The following PSD3 variants were observed in gnomAD, a reference collection of about 807,000 sequenced individuals.
The protein encoded by PSD3 is PH and SEC7 domain-containing protein 3.
PSD3 carries 49 observed loss-of-function variants against 105.5 expected under a neutral mutation model. That is an observed-to-expected ratio of 0.46 (90% CI 0.37 to 0.59). The LOEUF (loss-of-function observed/expected upper bound fraction) is 0.59. PSD3 is among the 20% of genes least tolerant of loss of function. The pLI is 0.00. For missense variants in PSD3, 1,561 were observed against 1,263.8 expected, an observed-to-expected ratio of 1.24 and a Z score of -3.57; for synonymous variants, 557 against 457.8, an observed-to-expected ratio of 1.22 and a Z score of -2.77.
Position 18,575,220 on chromosome 8 carries a change from G to A in PSD3, c.2547C>T (p.His849=), listed in dbSNP as rs138686002. 1.5e-4 allele frequency: 241 copies of A among 1,613,838 alleles called. No homozygotes were observed. Among genetic ancestry groups the A allele is most frequent in the Non-Finnish European group, 1.9e-4 (225 of 1,179,840 alleles). The change falls in exon 13 of 16, where the codon CAC becomes CAT. Residue 849 remains histidine, a synonymous_variant. Transcript: ENST00000327040. Reference sequence around the variant, plus strand: ...AGTCCGTGGCCTTGGATGCCAATGCGTGGTGCACACTCACAGCGTTTTTCA... The same window carrying A: ...AGTCCGTGGCCTTGGATGCCAATGCATGGTGCACACTCACAGCGTTTTTCA... ...EDLKNAVSVH[H]ALASKATDYE... is the part of the protein sequence containing the mutation.
intron 1 of PSD3, among the ~76,000 whole-genome samples, chr8:19,026,887 A>G (rs1320453235): frequency 1.3e-5 from 2 of 151,384 alleles, no homozygotes; most frequent in Non-Finnish European, 2.9e-5. Context: ...ACCCAAAAAT[A>G]TATATATATA....
intron 4 of PSD3, among the ~76,000 whole-genome samples, chr8:18,865,532 C>A (rs528388221): frequency 9.2e-5 from 14 of 152,044 alleles, no homozygotes; most frequent in African/African-American, 3.4e-4. Flanking sequence ...AATAAAGCTT[C>A]CTCCACCTGT....
At chr8:18,744,788 T>C (rs1355474015) in intron 9 of PSD3, among the ~76,000 whole-genome samples, 1 of 152,218 alleles carries the variant, frequency 6.6e-6, no homozygotes, top group Non-Finnish European at 1.5e-5. Flanking sequence ...AGTTTCCCCA[T>C]TACTGCCCTT....
chr8:18,901,353 C>G (rs2129460746), intron 2 of PSD3, among the ~76,000 whole-genome samples: 1 of 152,264 alleles, frequency 6.6e-6, no homozygotes. Context: ...CAGCATAGAG[C>G]TGGGTCATGT....
intron 9 of PSD3, among the ~76,000 whole-genome samples, chr8:18,678,415 T>A (rs1446451045): frequency 6.6e-6 from 1 of 152,254 alleles, no homozygotes; most frequent in Non-Finnish European, 1.5e-5. Flanking sequence ...CAACTTCTTT[T>A]AAAAAATTTA....
chr8:18,759,102 T>A (rs1034773173), intron 9 of PSD3, among the ~76,000 whole-genome samples: 6 of 138,258 alleles, frequency 4.3e-5, no homozygotes, highest in South Asian at 2.3e-4. Flanking sequence ...ACTCTCTCTC[T>A]CTCTCTCTCT....
In PSD3 at chr8:18,986,750, C is replaced by G. The variant is rs138245277; in HGVS notation, c.21+26813G>C. Among the ~76,000 whole-genome samples, 909 of 152,180 alleles carry G rather than the reference C, an allele frequency of 6.0e-3. 10 individuals are homozygous for G. Among genetic ancestry groups the G allele is most frequent in the African/African-American group, 0.021 (887 of 41,496 alleles). ...ACGGGCTAACGTAGCCATTTGCAAA[C>G]TGGGTACAAAAGAGAGTACTCCATT... is the stretch of plus-strand genomic sequence containing the variant. On this transcript the variant is annotated intron_variant, in intron 1 of 15. Transcript: ENST00000327040.
At chr8:18,892,893 G>A (rs973983404) in intron 2 of PSD3, among the ~76,000 whole-genome samples, 4 of 152,098 alleles carry the variant, frequency 2.6e-5, no homozygotes, top group Admixed American at 2.6e-4. Context: ...CCACAGTGCT[G>A]GGATTACAGA....
At position 18,872,628 on chromosome 8, in the gene PSD3, A is replaced by C. The variant is rs2129457723; in HGVS notation, c.236T>G (p.Phe79Cys). The part of the protein sequence containing the change: ...GGEGLRASLE[F>C]DGEALPCHPQ... ...GTGGCATGGCAGAGCCTCACCATCA[A>C]ATTCCAGAGAAGCCCTTAGGCCTTC... Residue 79 changes from phenylalanine (F) to cysteine (C), a missense_variant, in exon 3 of 16, where the codon TTT becomes TGT. Phe to Cys is a radical substitution (Grantham distance 205). Coordinates refer to ENST00000327040, the MANE Select transcript of PSD3 (RefSeq NM_015310.4). 2 of 1,613,976 alleles carry C rather than the reference A, an allele frequency of 1.2e-6. No individual in the cohort carries two copies. Among genetic ancestry groups the C allele is most frequent in the East Asian group, 2.2e-5 (1 of 44,872 alleles).
intron 1 of PSD3, among the ~76,000 whole-genome samples, chr8:18,966,756 T>C (rs1824280056): frequency 6.6e-6 from 1 of 152,256 alleles, no homozygotes; most frequent in Non-Finnish European, 1.5e-5. Context: ...CACATCTTCT[T>C]GGGGCTCAAT....
At chr8:18,958,136 T>C (rs1370311395) in intron 1 of PSD3, among the ~76,000 whole-genome samples, 1 of 152,106 alleles carries the variant, frequency 6.6e-6, no homozygotes, top group Non-Finnish European at 1.5e-5. Context: ...TACAAAAATA[T>C]AATAAAATAT....
chr8:19,036,833 C>T lies in PSD3; in HGVS notation c.324+47373G>A, dbSNP rs573555330. Among the ~76,000 whole-genome samples the T allele has an allele frequency of 8.5e-5, 13 of 152,304 alleles. No homozygotes were observed. The South Asian group carries it at 2.7e-3, about 32-fold the overall frequency. ...TCAGACCAGGGCTCTTCTTTAGACA[C>T]TAGTTCACCTCAATACTCATCTAGG... On this transcript the variant is annotated intron_variant, in intron 1 of 1. Transcript: ENST00000521475.
At chr8:19,072,846 A>G (rs185102022) in intron 1 of PSD3, among the ~76,000 whole-genome samples, 191 of 152,312 alleles carry the variant, frequency 1.3e-3, no homozygotes, top group African/African-American at 4.3e-3. Flanking sequence ...CTGGCTCTGA[A>G]GTCTGTACTG....
chr8:18,858,799 C>T (rs1816219622), intron 4 of PSD3, among the ~76,000 whole-genome samples: 1 of 152,186 alleles, frequency 6.6e-6, no homozygotes, highest in African/African-American at 2.4e-5. Flanking sequence ...TTCTCGTTCG[C>T]CTGCTATTTC....
chr8:18,821,472 T>C (rs540509357), intron 4 of PSD3, among the ~76,000 whole-genome samples: 196 of 152,282 alleles, frequency 1.3e-3, no homozygotes, highest in Non-Finnish European at 2.1e-3. Flanking sequence ...ACAGGTTGGA[T>C]GAAATTTGCG....
intron 9 of PSD3, 91 bp from the exon 10 acceptor site, chr8:18,655,776 G>C (rs1208816654): frequency 5.6e-6 from 7 of 1,255,310 alleles, no homozygotes; most frequent in Non-Finnish European, 8.1e-6. Flanking sequence ...CTTCATAAAA[G>C]GATAGGCACG....
At chr8:18,741,922 C>T (rs149428161) in intron 9 of PSD3, among the ~76,000 whole-genome samples, 2 of 151,200 alleles carry the variant, frequency 1.3e-5, no homozygotes, top group African/African-American at 4.8e-5. Context: ...GAAATGAGAT[C>T]TAAAAGATTT....
chr8:18,963,825 A>G (rs1824077400), intron 1 of PSD3, among the ~76,000 whole-genome samples: 1 of 152,208 alleles, frequency 6.6e-6, no homozygotes, highest in South Asian at 2.1e-4. Flanking sequence ...TGTCATTGAA[A>G]AGAGTGAGAG....
intron 12 of PSD3, among the ~76,000 whole-genome samples, chr8:18,590,002 T>A (rs905460446): frequency 6.6e-6 from 1 of 151,980 alleles, no homozygotes; most frequent in Non-Finnish European, 1.5e-5. Context: ...CTGTTGAACA[T>A]TTAAAAATAA....
Sources: gnomAD v4.1 joint callset for allele counts (sites outside exome capture counted in the v4.1 genomes callset) on GRCh38, gnomAD v4.1.1 for gene constraint, MANE v1.5 for transcripts, NCBI Gene and HGNC (gene_info 2026-07-23, HGNC 2026-07-21) for gene names.